Variants in GRP observed in about 807,000 individuals in gnomAD.
GRP encodes gastrin releasing peptide.
In GRP, 11 loss-of-function variants were observed where a neutral mutation model predicts 12.7. The observed-to-expected ratio is 0.87, with a 90% CI of 0.55 to 1.44. The LOEUF (loss-of-function observed/expected upper bound fraction) is 1.44, where lower values mean the gene tolerates loss of function less well. Among genes scored for constraint, GRP ranks in the 40% most tolerant of loss-of-function variants. GRP has a pLI of 0.00. For synonymous variants in GRP, 84 were observed against 77.7 expected (o/e 1.08, Z -0.43); for missense variants, 212 against 185.4 (o/e 1.14, Z -0.83).
rs1603384987 is a variant in GRP at position 59,230,570 on chromosome 18, T to C, written c.*102T>C. On this transcript the variant is annotated 3_prime_UTR_variant, in exon 3 of 3. Transcript: ENST00000256857. ...ATCAACAAGATTTCCTTGTGCAAAA[T>C]ATTTGACTATTCTGTATCTTTCATC... The C allele has an allele frequency of 8.1e-6, 6 of 743,354 alleles. No homozygotes were observed. 46.0% of individuals were successfully genotyped at this position (743,354 alleles called of 1,614,324 possible). A position where few individuals can be genotyped will look rare whatever the true frequency, so the allele number is the denominator to read the frequency against.
At chr18:59,225,822 G>A in intron 2 of GRP, 88 bp downstream of exon 2, 1 of 1,231,162 alleles carries the variant, frequency 8.1e-7, no homozygotes, top group African/African-American at 1.5e-5. Context: ...GAATAGAATT[G>A]CTTATGATAT....
At chr18:59,219,885 G>C (rs1416823328), upstream of GRP, among the ~76,000 whole-genome samples, 1 of 152,126 alleles carries the variant, frequency 6.6e-6, no homozygotes, top group Non-Finnish European at 1.5e-5. Flanking sequence ...AGAGGGAGGA[G>C]TTCACTAAAT....
chr18:59,225,342 A>T (rs2144104579), intron 1 of GRP, 150 bp from the exon 2 acceptor site: 1 of 777,358 alleles, frequency 1.3e-6, no homozygotes, highest in Non-Finnish European at 2.1e-6. Context: ...TCTGTCGTTT[A>T]TGAACTAACT....
chr18:59,227,778 A>G (rs748198779), intron 2 of GRP, among the ~76,000 whole-genome samples: 1 of 152,108 alleles, frequency 6.6e-6, no homozygotes, highest in Non-Finnish European at 1.5e-5. Context: ...GGCAAATTCA[A>G]CTCCTTCCTT....
chr18:59,229,711 C>T (rs908549313), intron 2 of GRP, among the ~76,000 whole-genome samples: 10 of 152,106 alleles, frequency 6.6e-5, no homozygotes, highest in Admixed American at 2.0e-4. Flanking sequence ...TTCATCTCAG[C>T]GCGTAAAGGG....
In GRP at chr18:59,221,595, C is replaced by CTGTGTGTGTG. The variant is rs143541111; in HGVS notation, c.139+1203_139+1212dup. On this transcript the variant is annotated intron_variant, in intron 1 of 2. Transcript: ENST00000256857. ...TGTGTGTCTCTGTGTGTGTGTGTCT[C>CTGTGTGTGTG]TGTGTGTGTGTGTGTGTGTGTATTT... Among the ~76,000 whole-genome samples the CTGTGTGTGTG allele has an allele frequency of 7.9e-3, 1,185 of 149,860 alleles. 14 individuals carry two copies. Among genetic ancestry groups the CTGTGTGTGTG allele is most frequent in the African/African-American group, 0.028 (1,134 of 40,906 alleles).
intron 2 of GRP, among the ~76,000 whole-genome samples, chr18:59,229,941 G>T (rs1042849335): frequency 3.1e-4 from 47 of 152,194 alleles, no homozygotes; most frequent in African/African-American, 1.1e-3. Context: ...TTTGACTTGT[G>T]TAACGATGCA....
intron 1 of GRP, 93 bp from the exon 2 acceptor site, chr18:59,225,399 A>G: frequency 8.2e-7 from 1 of 1,224,354 alleles, no homozygotes; most frequent in Non-Finnish European, 1.2e-6. Context: ...AGCAGCACAA[A>G]CACAATTAGC....
intron 1 of GRP, among the ~76,000 whole-genome samples, chr18:59,221,953 A>C (rs2069842703): frequency 6.6e-6 from 1 of 152,132 alleles, no homozygotes; most frequent in African/African-American, 2.4e-5. Context: ...GGAATGGGTG[A>C]AGCTGAAAAA....
In GRP at chr18:59,220,343, G is replaced by A. The variant is rs2069809097; in HGVS notation, c.78G>A (p.Leu26=). 1 of 1,484,076 alleles carries A rather than the reference G, an allele frequency of 6.7e-7. No individual in the cohort carries two copies. Among genetic ancestry groups the A allele is most frequent in the South Asian group, 1.3e-5 (1 of 77,328 alleles). 91.9% of individuals were successfully genotyped at this position (1,484,076 alleles called of 1,614,324 possible). Residue 26 remains leucine (L), a synonymous_variant, in exon 1 of 3, where the codon CTG becomes CTA. Transcript: ENST00000256857. ...CGCCCCGGGGGCGAGCGGTCCCGCT[G>A]CCTGCGGGCGGAGGGACCGTGCTGA... The part of the protein sequence containing the change: ...CLAPRGRAVP[L]PAGGGTVLTK...
rs370960385 is a variant in GRP, at chr18:59,225,120, T to C, written c.140-372T>C. Among the ~76,000 whole-genome samples the C allele has an allele frequency of 7.2e-5, 11 of 152,302 alleles. No homozygotes were observed. In the East Asian group the frequency reaches 1.2e-3, roughly 16 times the overall value. On this transcript the variant is annotated intron_variant, in intron 1 of 2. Transcript: ENST00000256857. ...AATTTGGTGCACACAGAATTGATGATAGAATTTTAGATATGGAAGCCTCCT... is the reference window on the plus strand; with the variant it reads ...AATTTGGTGCACACAGAATTGATGACAGAATTTTAGATATGGAAGCCTCCT...
At chr18:59,221,473 C>A (rs1453046517) in intron 1 of GRP, among the ~76,000 whole-genome samples, 6 of 152,284 alleles carry the variant, frequency 3.9e-5, no homozygotes, top group Admixed American at 3.9e-4. Flanking sequence ...TTCCTCACTC[C>A]CCCACCTACC....
At chr18:59,220,632 G>A (rs1176551094) in intron 1 of GRP, among the ~76,000 whole-genome samples, 1 of 152,188 alleles carries the variant, frequency 6.6e-6, no homozygotes, top group African/African-American at 2.4e-5. Context: ...CTGGTCCGCT[G>A]ATCCTTTCCC....
intron 2 of GRP, among the ~76,000 whole-genome samples, chr18:59,226,538 A>G (rs957278211): frequency 2.6e-5 from 4 of 152,224 alleles, no homozygotes; most frequent in African/African-American, 9.6e-5. Flanking sequence ...TTATGCTCAC[A>G]GAAGTCTTAG....
At chr18:59,222,405 A>G (rs2069849351) in intron 1 of GRP, among the ~76,000 whole-genome samples, 2 of 152,222 alleles carry the variant, frequency 1.3e-5, no homozygotes, top group Admixed American at 6.5e-5. Context: ...TTTCATATTT[A>G]TTCTCAAATG....
intron 2 of GRP, among the ~76,000 whole-genome samples, chr18:59,227,028 T>TCTTTCTTTCTTTCTTTCTTCCTTC (rs2069945937): frequency 6.9e-6 from 1 of 145,030 alleles, no homozygotes; most frequent in African/African-American, 2.6e-5. Context: ...TTTCTTTCTT[T>TCTTTCTTTCTTTCTTTCTTCCTTC]CTTTCTTTCT....
intron 1 of GRP, among the ~76,000 whole-genome samples, chr18:59,221,112 T>C (rs1250139379): frequency 6.6e-6 from 1 of 152,210 alleles, no homozygotes; most frequent in Non-Finnish European, 1.5e-5. Context: ...CTCTCCAAGC[T>C]CATCCCGATC....
chr18:59,220,518 T>A (rs1481606762), intron 1 of GRP, 114 bp downstream of exon 1: 1 of 945,294 alleles, frequency 1.1e-6, no homozygotes, highest in Non-Finnish European at 1.4e-6. Flanking sequence ...GGGAGCTGGG[T>A]TTGTTGTGAC....
At chr18:59,227,054 T>C (rs2069951030) in intron 2 of GRP, among the ~76,000 whole-genome samples, 1 of 126,270 alleles carries the variant, frequency 7.9e-6, no homozygotes, top group East Asian at 2.1e-4. Context: ...TCTTTCTTTC[T>C]TCCTTTCTTT....
Sources: allele counts gnomAD v4.1 joint callset (sites outside exome capture counted in the v4.1 genomes callset), GRCh38; gene constraint gnomAD v4.1.1; transcripts MANE v1.5; gene names NCBI Gene and HGNC (gene_info 2026-07-23, HGNC 2026-07-21).